The following MYO1E variants were observed in gnomAD, a reference collection of about 807,000 sequenced individuals.
MYO1E encodes myosin IE, also known as unconventional myosin-Ie.
MYO1E carries 68 observed loss-of-function variants against 151.1 expected under a neutral mutation model. The ratio of observed to expected loss-of-function variants is 0.45; its 90% CI spans 0.37 to 0.55. The LOEUF is 0.55. MYO1E is among the 20% of genes least tolerant of loss of function. MYO1E has a pLI of 0.00. For missense variants in MYO1E, 1,363 were observed against 1,389.3 expected, an observed-to-expected ratio of 0.98 and a Z score of 0.30; for synonymous variants, 601 against 501.7, an observed-to-expected ratio of 1.20 and a Z score of -2.64.
chr15:59,337,453 T>C (rs1418719600), intron 1 of MYO1E, among the ~76,000 whole-genome samples: 2 of 152,230 alleles, frequency 1.3e-5, no homozygotes, highest in African/African-American at 4.8e-5. Context: ...TTTTATTCTG[T>C]TCTACAATTT....
intron 4 of MYO1E, among the ~76,000 whole-genome samples, chr15:59,240,450 G>C (rs560997064): frequency 6.6e-5 from 10 of 152,250 alleles, no homozygotes; most frequent in Non-Finnish European, 1.3e-4. Flanking sequence ...GAAATGGAAA[G>C]AATGTTCTGG....
At chr15:59,319,105 G>A (rs964995933) in intron 1 of MYO1E, among the ~76,000 whole-genome samples, 1 of 152,108 alleles carries the variant, frequency 6.6e-6, no homozygotes, top group East Asian at 1.9e-4. Flanking sequence ...GAGGTCAGGA[G>A]TTTGAAACCA....
Position 59,206,550 on chromosome 15 carries a change from G to T in MYO1E, c.1531-1065C>A, listed in dbSNP as rs1339396025. ...ATAGAGCCCTATCCTTCCTGGCAGGGTCACGGTTCAGAAAACGTAACCTTA... is the reference window on the plus strand; with the variant it reads ...ATAGAGCCCTATCCTTCCTGGCAGGTTCACGGTTCAGAAAACGTAACCTTA... On this transcript the variant is annotated intron_variant, in intron 14 of 27. Coordinates refer to ENST00000288235, the MANE Select transcript of MYO1E (RefSeq NM_004998.4). 5.3e-5 allele frequency among the ~76,000 whole-genome samples: 8 copies of T among 152,328 alleles called. No homozygotes were observed. The South Asian group carries it at 1.2e-3, about 24-fold the overall frequency.
At chr15:59,194,872 G>A (rs75552019) in intron 17 of MYO1E, among the ~76,000 whole-genome samples, 2,860 of 152,314 alleles carry the variant, frequency 0.019, 100 homozygotes, top group African/African-American at 0.064. Context: ...AGGCTTCACT[G>A]GAAGTCAGGG....
intron 18 of MYO1E, among the ~76,000 whole-genome samples, chr15:59,183,930 G>A (rs1469499208): frequency 6.6e-6 from 1 of 151,066 alleles, no homozygotes; most frequent in African/African-American, 2.5e-5. Context: ...GTGAGAACAT[G>A]TGATGTTTGT....
At chr15:59,286,935 G>A (rs1367862248) in intron 1 of MYO1E, among the ~76,000 whole-genome samples, 1 of 152,062 alleles carries the variant, frequency 6.6e-6, no homozygotes, top group Non-Finnish European at 1.5e-5. Flanking sequence ...AGTCCCGTGG[G>A]CACATCTCAG....
chr15:59,277,608 T>C (rs1260113851), intron 1 of MYO1E, among the ~76,000 whole-genome samples: 1 of 150,668 alleles, frequency 6.6e-6, no homozygotes, highest in Non-Finnish European at 1.5e-5. Context: ...CCAGCAACTG[T>C]ATTTTTTAGG....
chr15:59,331,870 A>G (rs1340534293), intron 1 of MYO1E, among the ~76,000 whole-genome samples: 1 of 152,108 alleles, frequency 6.6e-6, no homozygotes, highest in South Asian at 2.1e-4. Context: ...TCATGGTTTG[A>G]TTTCACTGCA....
chr15:59,185,230 T>C (rs555261907), intron 18 of MYO1E, among the ~76,000 whole-genome samples: 1 of 152,262 alleles, frequency 6.6e-6, no homozygotes, highest in East Asian at 1.9e-4. Flanking sequence ...TCCCATTTTG[T>C]GGGTTGTCTC....
intron 17 of MYO1E, among the ~76,000 whole-genome samples, chr15:59,193,197 G>A (rs769703371): frequency 3.3e-5 from 5 of 150,238 alleles, no homozygotes; most frequent in African/African-American, 4.9e-5. Context: ...TCAGAAACTC[G>A]GGATGGAGCC....
intron 12 of MYO1E, among the ~76,000 whole-genome samples, chr15:59,213,441 G>A (rs1252385776): frequency 6.6e-6 from 1 of 151,906 alleles, no homozygotes; most frequent in Admixed American, 6.6e-5. Flanking sequence ...AAAGTGCAGG[G>A]ATTACAGGCA....
intron 1 of MYO1E, among the ~76,000 whole-genome samples, chr15:59,305,298 A>G (rs1179761154): frequency 2.0e-5 from 3 of 152,088 alleles, no homozygotes; most frequent in Non-Finnish European, 4.4e-5. Flanking sequence ...GGATCAAGCA[A>G]TCCTCCCACC....
chr15:59,208,069 A>C (rs2079852284), intron 14 of MYO1E: 3 of 1,582,250 alleles, frequency 1.9e-6, no homozygotes, highest in East Asian at 2.2e-5. Context: ...GGAAATTCAG[A>C]ATAAGCTTAA....
chr15:59,370,138 C>T (rs746633592), intron 1 of MYO1E, among the ~76,000 whole-genome samples: 47 of 152,328 alleles, frequency 3.1e-4, no homozygotes, highest in Non-Finnish European at 5.4e-4. Flanking sequence ...GAATTTTAGC[C>T]TCCATGCTAA....
At chr15:59,266,076 G>A (rs2080251756) in intron 2 of MYO1E, among the ~76,000 whole-genome samples, 1 of 152,186 alleles carries the variant, frequency 6.6e-6, no homozygotes, top group African/African-American at 2.4e-5. Context: ...TATTTCCGGT[G>A]AGAGTTTGGA....
At position 59,260,550 on chromosome 15, in the gene MYO1E, G is replaced by C. The variant is rs186586275; in HGVS notation, c.237+870C>G. Among the ~76,000 whole-genome samples the C allele has an allele frequency of 2.0e-5, 3 of 152,280 alleles. No homozygotes were observed. In the East Asian group the frequency reaches 5.8e-4, roughly 29 times the overall value. ...AGGAAAGGAAAAAGATGCAGAGATG[G>C]GGAGGCCTGGGGAAGTGATGAACCA... On this transcript the variant is annotated intron_variant, in intron 3 of 27. Coordinates refer to ENST00000288235, the MANE Select transcript of MYO1E (RefSeq NM_004998.4).
In MYO1E at chr15:59,178,447, G is replaced by A; in HGVS notation, c.1995C>T (p.Asp665=). The change falls in exon 19 of 28, where the codon GAC becomes GAT. Residue 665 remains aspartate (D), a synonymous_variant. Transcript: ENST00000288235. The stretch of plus-strand genomic sequence containing the variant: ...TCCTCCCCAGCTGGAACTGGTCGCT[G>A]TCCATGTTGACCGACTGCAGCAGGT... ...VLHLLQSVNM[D]SDQFQLGRSK... The A allele has an allele frequency of 1.2e-6, 2 of 1,614,238 alleles. No individual in the cohort carries two copies. The highest frequency in any genetic ancestry group is 1.7e-6 in the Non-Finnish European group (2 of 1,180,044).
chr15:59,259,270 G>C lies in MYO1E; in HGVS notation c.237+2150C>G, dbSNP rs28408976. 2.9e-3 allele frequency among the ~76,000 whole-genome samples: 443 copies of C among 152,266 alleles called. 3 individuals carry two copies. Among genetic ancestry groups the C allele is most frequent in the African/African-American group, 0.01 (421 of 41,570 alleles). ...GAACAAAGACTCTAGGTTACTTTTT[G>C]TAAGGGTTAGAGTAGAGCGGACCTC... On this transcript the variant is annotated intron_variant, in intron 3 of 27. Transcript: ENST00000288235.
At chr15:59,306,680 G>C (rs1325124298) in intron 1 of MYO1E, among the ~76,000 whole-genome samples, 1 of 152,206 alleles carries the variant, frequency 6.6e-6, no homozygotes, top group African/African-American at 2.4e-5. Context: ...GCTCATTGTT[G>C]ATTCATCATA....
Sources: allele counts gnomAD v4.1 joint callset (sites outside exome capture counted in the v4.1 genomes callset), GRCh38; gene constraint gnomAD v4.1.1; transcripts MANE v1.5; gene names NCBI Gene and HGNC (gene_info 2026-07-23, HGNC 2026-07-21).